Variants in IQSEC1 observed in about 807,000 individuals in gnomAD.
The protein encoded by IQSEC1 is IQ motif and Sec7 domain ArfGEF 1.
A neutral mutation model predicts 91.0 loss-of-function variants in IQSEC1; 31 were observed. That is an observed-to-expected ratio of 0.34 (90% CI 0.26 to 0.46). The LOEUF is 0.46. IQSEC1 is among the 20% of genes least tolerant of loss of function. The pLI, the probability that IQSEC1 is intolerant of heterozygous loss-of-function variation, is 1.00. For synonymous variants in IQSEC1, 699 were observed against 662.6 expected (o/e 1.05, Z -0.84); for missense variants, 1,388 against 1,575.6 (o/e 0.88, Z 2.02).
At position 12,986,284 on chromosome 3, in the gene IQSEC1, C is replaced by A. The variant is rs566565647; in HGVS notation, c.24-44419G>T. On this transcript the variant is annotated intron_variant, in intron 1 of 13. Transcript: ENST00000613206. ...TTGTCCCGACTTTTTCCCCAGAGGC[C>A]TAGAGTTCCCTGGAGCCCCAGGTAA... is the stretch of plus-strand genomic sequence containing the variant. Among the ~76,000 whole-genome samples the A allele has an allele frequency of 2.0e-5, 3 of 152,276 alleles. No individual in the cohort carries two copies. In the East Asian group the frequency reaches 5.8e-4, roughly 29 times the overall value.
intron 2 of IQSEC1, among the ~76,000 whole-genome samples, chr3:13,124,311 C>T (rs1311150486): frequency 6.6e-6 from 1 of 152,152 alleles, no homozygotes; most frequent in African/African-American, 2.4e-5. Flanking sequence ...ACCGAGCTCA[C>T]CAACATTGCT....
At chr3:13,121,894 G>T (rs1706430260) in intron 2 of IQSEC1, among the ~76,000 whole-genome samples, 1 of 152,214 alleles carries the variant, frequency 6.6e-6, no homozygotes, top group African/African-American at 2.4e-5. Flanking sequence ...CTGCCCCCTG[G>T]GCTCGGGGAC....
chr3:13,115,359 GCC>G (rs1435456247), intron 2 of IQSEC1, among the ~76,000 whole-genome samples: 1 of 152,168 alleles, frequency 6.6e-6, no homozygotes, highest in African/African-American at 2.4e-5. Context: ...TGAGGGCCTG[GCC>G]AGAAGTGGTA....
In IQSEC1 at chr3:12,900,617, C is replaced by T. The variant is rs575600776; in HGVS notation, c.*366G>A. 2.2e-5 allele frequency: 24 copies of T among 1,069,168 alleles called. No homozygotes were observed. The highest frequency in any genetic ancestry group is 7.4e-5 in the South Asian group (2 of 26,974). 66.2% of individuals were successfully genotyped at this position (1,069,168 alleles called of 1,614,324 possible). A position where few individuals can be genotyped will look rare whatever the true frequency, so the allele number is the denominator to read the frequency against. ...TGTCTGTTTTTGTATCTCATTTCTTCGTTTTCTAGGTTGGGTTTTCATATG... is the reference window on the plus strand; with the variant it reads ...TGTCTGTTTTTGTATCTCATTTCTTTGTTTTCTAGGTTGGGTTTTCATATG... On this transcript the variant is annotated 3_prime_UTR_variant, in exon 14 of 14. Transcript: ENST00000613206.
At chr3:13,083,680 A>G (rs1428986998) in intron 2 of IQSEC1, among the ~76,000 whole-genome samples, 1 of 152,222 alleles carries the variant, frequency 6.6e-6, no homozygotes, top group Non-Finnish European at 1.5e-5. Context: ...TCATCTGGAG[A>G]ACAGGCATGA....
At chr3:13,231,024 T>C (rs2125088710) in intron 1 of IQSEC1, among the ~76,000 whole-genome samples, 1 of 152,352 alleles carries the variant, frequency 6.6e-6, no homozygotes, top group Middle Eastern at 3.4e-3. Flanking sequence ...AAACTTTTCA[T>C]AAAGTATTGA....
At chr3:13,158,581 T>C (rs559463168) in intron 2 of IQSEC1, among the ~76,000 whole-genome samples, 32 of 152,318 alleles carry the variant, frequency 2.1e-4, no homozygotes, top group African/African-American at 7.7e-4. Flanking sequence ...CTCCTCATTG[T>C]CCCAGCCCTG....
upstream of IQSEC1, among the ~76,000 whole-genome samples, chr3:13,076,332 C>T (rs760486623): frequency 7.2e-5 from 11 of 152,292 alleles, no homozygotes; most frequent in South Asian, 2.1e-4. Flanking sequence ...TGTGGGAAGC[C>T]GCTTGGATCA....
At position 12,908,805 on chromosome 3, in the gene IQSEC1, G is replaced by A. The variant is rs961162813; in HGVS notation, c.2579-280C>T. ...GACAGGGAGGCACAGACTTGCCTGG[G>A]TCTGAGAGATGAGCAAAGATTAGCC... On this transcript the variant is annotated intron_variant, in intron 11 of 13. Transcript: ENST00000613206. The surrounding 1 kb of genome is among the most constrained non-coding windows in gnomAD (Gnocchi z 4.9). Among the ~76,000 whole-genome samples the A allele has an allele frequency of 1.2e-4, 19 of 152,096 alleles. No individual in the cohort carries two copies. The highest frequency in any genetic ancestry group is 3.4e-4 in the African/African-American group (14 of 41,420).
intron 6 of IQSEC1, among the ~76,000 whole-genome samples, chr3:12,920,026 A>G (rs1304977003): frequency 6.6e-6 from 1 of 152,250 alleles, no homozygotes; most frequent in Non-Finnish European, 1.5e-5. Flanking sequence ...GAAAGAATGT[A>G]TAATTACTTT....
intron 12 of IQSEC1, among the ~76,000 whole-genome samples, chr3:12,903,749 G>A (rs888278668): frequency 6.6e-6 from 1 of 152,282 alleles, no homozygotes; most frequent in South Asian, 2.1e-4. Context: ...AGCTCTCTGG[G>A]AGTGGGGATG....
At position 12,900,890 on chromosome 3, in the gene IQSEC1, T is replaced by C. The variant is rs1214845232; in HGVS notation, c.*93A>G. The C allele has an allele frequency of 7.2e-6, 11 of 1,535,100 alleles. No individual in the cohort carries two copies. The highest frequency in any genetic ancestry group is 2.4e-5 in the East Asian group (1 of 40,892). On this transcript the variant is annotated 3_prime_UTR_variant, in exon 14 of 14. Coordinates refer to ENST00000613206, the MANE Select transcript of IQSEC1 (RefSeq NM_001134382.3). Reference sequence around the variant, plus strand: ...CAGAGGGGAGAGATGGCAACAGAAGTGCCCCGGGTTTGGTGTGCGGCTGGC... The same window carrying C: ...CAGAGGGGAGAGATGGCAACAGAAGCGCCCCGGGTTTGGTGTGCGGCTGGC...
chr3:13,211,275 G>A lies in IQSEC1; in HGVS notation c.273-47142C>T, dbSNP rs1559278251. On this transcript the variant is annotated intron_variant, in intron 1 of 15. Coordinates refer to the IQSEC1 transcript ENST00000648114. The surrounding 1 kb of genome is among the most constrained non-coding windows in gnomAD (Gnocchi z 5.3). ...GTCTCACCACCTCCTCGACAGCAAT[G>A]AACATGAAAGGCCTTCTTGGCAGCG... Among the ~76,000 whole-genome samples, 1 of 152,226 alleles carries A rather than the reference G, an allele frequency of 6.6e-6. No homozygotes were observed. Among genetic ancestry groups the A allele is most frequent in the Non-Finnish European group, 1.5e-5 (1 of 68,034 alleles).
intron 1 of IQSEC1, among the ~76,000 whole-genome samples, chr3:13,260,985 G>T (rs1373731164): frequency 6.6e-6 from 1 of 152,186 alleles, no homozygotes; most frequent in Non-Finnish European, 1.5e-5. Flanking sequence ...TGGGGACTGG[G>T]GATGGCCAAG....
At chr3:13,276,885 G>A (rs895226641) in intron 1 of IQSEC1, among the ~76,000 whole-genome samples, 3 of 152,096 alleles carry the variant, frequency 2.0e-5, no homozygotes, top group Non-Finnish European at 4.4e-5. Context: ...CTGGGTGGGG[G>A]CAGCACACTG....
rs532086153 is a variant in IQSEC1 at position 13,276,437 on chromosome 3, A to T, written c.272+6274T>A. On this transcript the variant is annotated intron_variant, in intron 1 of 15. Transcript: ENST00000648114. ...TGGCTATTCCTCCCCTGGAGCCACC[A>T]CCTAATGCGGGGCCACAGGCAACTC... 1.4e-3 allele frequency among the ~76,000 whole-genome samples: 211 copies of T among 152,024 alleles called. 1 individual carries two copies. Among genetic ancestry groups the T allele is most frequent in the African/African-American group, 4.9e-3 (202 of 41,474 alleles).
At chr3:12,959,752 A>G (rs1381164846) in intron 1 of IQSEC1, among the ~76,000 whole-genome samples, 1 of 152,206 alleles carries the variant, frequency 6.6e-6, no homozygotes, top group Non-Finnish European at 1.5e-5. Flanking sequence ...ATTAAAACTA[A>G]TCTCGAGCAA....
At chr3:13,225,556 T>C (rs189542366) in intron 1 of IQSEC1, among the ~76,000 whole-genome samples, 1 of 152,286 alleles carries the variant, frequency 6.6e-6, no homozygotes, top group African/African-American at 2.4e-5. Context: ...AGCCTTCTAG[T>C]CACCCATTCA....
At position 12,935,075 on chromosome 3, in the gene IQSEC1, T is replaced by C. The variant is rs779077793; in HGVS notation, c.1568+373A>G. 1.8e-4 allele frequency among the ~76,000 whole-genome samples: 28 copies of C among 152,134 alleles called. No individual in the cohort carries two copies. The highest frequency in any genetic ancestry group is 3.1e-4 in the Non-Finnish European group (21 of 68,024). On this transcript the variant is annotated intron_variant, in intron 3 of 13. Transcript: ENST00000613206. This position sits in a 1 kb window ranked among gnomAD's most constrained non-coding sequence, Gnocchi z 8.0. ...TCATACCCCTGCTCAAAGGCCTTTG[T>C]GTCCCACATCACCCCTAGGCCTGAC...
Sources: allele counts gnomAD v4.1 joint callset (sites outside exome capture counted in the v4.1 genomes callset), GRCh38; gene constraint gnomAD v4.1.1; non-coding constraint Gnocchi (gnomAD v3.1); transcripts MANE v1.5; gene names NCBI Gene and HGNC (gene_info 2026-07-23, HGNC 2026-07-21).